CARM1: variants seen among roughly 807,000 people sequenced by gnomAD.
The protein encoded by CARM1 is histone-arginine methyltransferase CARM1.
Under a neutral mutation model 72.7 loss-of-function variants are expected in CARM1, and 14 were observed. The ratio of observed to expected loss-of-function variants is 0.19; its 90% confidence interval spans 0.13 to 0.30. CARM1 has a LOEUF of 0.30. Among genes scored for constraint, CARM1 ranks in the 10% least tolerant of loss-of-function variants. CARM1 has a pLI of 1.00. For missense variants in CARM1, 432 were observed against 833.7 expected (o/e 0.52, Z 5.93); for synonymous variants, 333 against 345.5 (o/e 0.96, Z 0.40).
chr19:10,876,840 C>G (rs1320595041), intron 1 of CARM1, among the ~76,000 whole-genome samples: 1 of 152,244 alleles, frequency 6.6e-6, no homozygotes, highest in Non-Finnish European at 1.5e-5. Flanking sequence ...AACAAACTCT[C>G]ACTTCCCCAG....
Position 10,921,498 on chromosome 19 carries a change from C to T in CARM1, c.1684+55C>T, listed in dbSNP as rs2074249363. 7 of 1,573,822 alleles carry T rather than the reference C, an allele frequency of 4.4e-6. 1 individual carries two copies. The highest frequency in any genetic ancestry group is 3.5e-6 in the Non-Finnish European group (4 of 1,157,894). On this transcript the variant is annotated intron_variant, in intron 15 of 15. Transcript: ENST00000327064. ...GGGGGCCGAGCTAGCGTGTGAGTCGCCATCCTCTGTCCGGCCGCCCGCCTG... is the reference window on the plus strand; with the variant it reads ...GGGGGCCGAGCTAGCGTGTGAGTCGTCATCCTCTGTCCGGCCGCCCGCCTG...
chr19:10,878,448 A>G (rs573355137), intron 1 of CARM1, among the ~76,000 whole-genome samples: 1 of 152,270 alleles, frequency 6.6e-6, no homozygotes, highest in East Asian at 1.9e-4. Context: ...CCTTGTGCCA[A>G]TTGTGGCGCT....
At chr19:10,878,505 G>A (rs992422786) in intron 1 of CARM1, among the ~76,000 whole-genome samples, 4 of 152,190 alleles carry the variant, frequency 2.6e-5, no homozygotes, top group Non-Finnish European at 4.4e-5. Context: ...TGAGGTCAGA[G>A]ATACCAACCC....
chr19:10,875,361 G>T, intron 1 of CARM1, among the ~76,000 whole-genome samples: 1 of 151,328 alleles, frequency 6.6e-6, no homozygotes, highest in East Asian at 1.9e-4. Context: ...ATGGAGTCTC[G>T]CCGTGTTATA....
intron 1 of CARM1, among the ~76,000 whole-genome samples, chr19:10,875,525 G>C (rs886732086): frequency 6.6e-6 from 1 of 151,528 alleles, no homozygotes; most frequent in Non-Finnish European, 1.5e-5. Context: ...CCTGGGTTCA[G>C]GCCATTCTCC....
Position 10,871,637 on chromosome 19 carries a change from G to GGCGGCGGCGGCGGCA in CARM1, c.-64_-63insGGCGGCGGCGGCAGC, listed in dbSNP as rs1229015115. The GGCGGCGGCGGCGGCA allele has an allele frequency of 3.4e-4, 55 of 164,136 alleles. No homozygotes were observed. The highest frequency in any genetic ancestry group is 1.8e-3 in the African/African-American group (48 of 26,028). 10.2% of individuals were successfully genotyped at this position (164,136 alleles called of 1,614,324 possible). On this transcript the variant is annotated 5_prime_UTR_variant, in exon 1 of 16. Coordinates refer to ENST00000327064, the MANE Select transcript of CARM1 (RefSeq NM_199141.2). This position sits in a 1 kb window ranked among gnomAD's most constrained non-coding sequence, Gnocchi z 5.6. The stretch of plus-strand genomic sequence containing the variant: ...CGGCGGCGGCGGCGGCGGCGGCGGC[G>GGCGGCGGCGGCGGCA]GCAGCGGCGGCGGCCTGGGCCCGGG...
chr19:10,885,830 G>C (rs1015569021), intron 1 of CARM1, among the ~76,000 whole-genome samples: 1 of 150,574 alleles, frequency 6.6e-6, no homozygotes, highest in African/African-American at 2.4e-5. Context: ...CACACTCCAA[G>C]TCTCGCTATC....
At chr19:10,898,247 C>T (rs976333027) in intron 1 of CARM1, among the ~76,000 whole-genome samples, 1 of 152,068 alleles carries the variant, frequency 6.6e-6, no homozygotes, top group South Asian at 2.1e-4. Flanking sequence ...ATGGAGGTTA[C>T]GGTGAGCTGA....
At chr19:10,877,869 A>G (rs1397645644) in intron 1 of CARM1, among the ~76,000 whole-genome samples, 2 of 152,210 alleles carry the variant, frequency 1.3e-5, no homozygotes, top group Non-Finnish European at 2.9e-5. Context: ...CTGGGATTAC[A>G]GGCACATGCC....
At chr19:10,901,676 T>G (rs2074066980) in intron 1 of CARM1, among the ~76,000 whole-genome samples, 1 of 151,166 alleles carries the variant, frequency 6.6e-6, no homozygotes, top group South Asian at 2.2e-4. Flanking sequence ...GCCCAGTGGC[T>G]CATGCCTGTA....
At chr19:10,908,999 G>A in intron 3 of CARM1, 104 bp from the exon 4 acceptor site, 1 of 800,446 alleles carries the variant, frequency 1.2e-6, no homozygotes, top group South Asian at 1.5e-5. Flanking sequence ...TCCCGAGGGA[G>A]GTTTGTGCCC....
chr19:10,878,639 G>A (rs2073880169), intron 1 of CARM1, among the ~76,000 whole-genome samples: 1 of 152,190 alleles, frequency 6.6e-6, no homozygotes, highest in Non-Finnish European at 1.5e-5. Context: ...GCATATATAA[G>A]TGGTTCAGTG....
chr19:10,913,845 A>C (rs745834989), intron 5 of CARM1, 32 bp from the exon 6 acceptor site: 2 of 1,597,482 alleles, frequency 1.3e-6, no homozygotes, highest in Non-Finnish European at 1.7e-6. Context: ...AGGAAGACGC[A>C]GGGAAGCCCA....
chr19:10,878,678 A>C (rs1007782796), intron 1 of CARM1, among the ~76,000 whole-genome samples: 7 of 152,156 alleles, frequency 4.6e-5, no homozygotes, highest in African/African-American at 1.7e-4. Context: ...CAAAGACCCA[A>C]AGTAGCAGAG....
At chr19:10,875,464 A>G (rs899673845) in intron 1 of CARM1, among the ~76,000 whole-genome samples, 3 of 150,244 alleles carry the variant, frequency 2.0e-5, no homozygotes, top group South Asian at 2.1e-4. Context: ...TGGCTCTGTC[A>G]CCCAGGCTGA....
chr19:10,871,985 G>GCCCC lies in CARM1; in HGVS notation c.220+63_220+64insCCCC. 1 of 1,148,764 alleles carries GCCCC rather than the reference G, an allele frequency of 8.7e-7. No homozygotes were observed. Among genetic ancestry groups the GCCCC allele is most frequent in the Non-Finnish European group, 1.1e-6 (1 of 931,402 alleles). The allele number at this position is 1,148,764 out of a possible 1,614,324, so 71.2% of individuals were successfully genotyped here. On this transcript the variant is annotated intron_variant, in intron 1 of 15. Transcript: ENST00000327064. This position sits in a 1 kb window ranked among gnomAD's most constrained non-coding sequence, Gnocchi z 5.6. Reference sequence around the variant, plus strand: ...CTGCTCACGAGGCCGGCCCGGGGCGGGGGCCGGCGGGGAGGGGCCCTGAGC... The same window carrying GCCCC: ...CTGCTCACGAGGCCGGCCCGGGGCGGCCCCGGGCCGGCGGGGAGGGGCCCTGAGC...
At chr19:10,890,774 C>CACAT (rs1460065828) in intron 1 of CARM1, among the ~76,000 whole-genome samples, 3,956 of 63,098 alleles carry the variant, frequency 0.063, 447 homozygotes, top group Non-Finnish European at 0.083. Context: ...TACACACACA[C>CACAT]ATATATATAT....
In CARM1 at chr19:10,921,121, C is replaced by G. The variant is rs749297788; in HGVS notation, c.1609C>G (p.Pro537Ala). Residue 537 changes from proline to alanine, a missense_variant, in exon 14 of 16, where the codon CCT becomes GCT. By Grantham distance (27) the Pro-to-Ala change is conservative (BLOSUM62 -1). Transcript: ENST00000327064. ...GSSVGHNNLI[P>A]LANTGIVNHT... is the part of the protein sequence containing the mutation. ...CAGCGTGGGCCACAACAACCTGATTCCTTTAGGTGAGTGTCCCCCAGGGCC... is the reference window on the plus strand; with the variant it reads ...CAGCGTGGGCCACAACAACCTGATTGCTTTAGGTGAGTGTCCCCCAGGGCC... 5.6e-6 allele frequency: 9 copies of G among 1,613,308 alleles called. No homozygotes were observed. The East Asian group carries it at 1.3e-4, about 24-fold the overall frequency.
At chr19:10,874,606 G>A (rs949240329) in intron 1 of CARM1, among the ~76,000 whole-genome samples, 2 of 151,970 alleles carry the variant, frequency 1.3e-5, no homozygotes, top group African/African-American at 4.8e-5. Flanking sequence ...TGGCCAGGCT[G>A]GTCTCAAACT....
Sources: gnomAD v4.1 joint callset for allele counts (sites outside exome capture counted in the v4.1 genomes callset) on GRCh38, gnomAD v4.1.1 for gene constraint, Gnocchi (gnomAD v3.1) non-coding constraint, MANE v1.5 for transcripts, NCBI Gene and HGNC (gene_info 2026-07-23, HGNC 2026-07-21) for gene names.